NHSL2: variants seen among roughly 807,000 people sequenced by gnomAD.
The protein encoded by NHSL2 is NHS like 2, also known as NHS-like protein 2.
NHSL2 carries 27 observed loss-of-function variants against 53.4 expected under a neutral mutation model. That is an observed-to-expected ratio of 0.51 (90% CI 0.37 to 0.70). NHSL2 has a LOEUF of 0.70. Ranked by LOEUF, NHSL2 falls within the 30% of genes least tolerant of loss-of-function variation. The probability of loss-of-function intolerance (pLI) is 0.00; values close to 1 mark genes in which losing one functional copy is unlikely to be tolerated. For synonymous variants in NHSL2, 408 were observed against 404.1 expected (o/e 1.01, Z -0.12); for missense variants, 892 against 980.1 (o/e 0.91, Z 1.20).
At position 71,910,971 on chromosome X, in the gene NHSL2, G is replaced by A. The variant is rs933610426; in HGVS notation, c.-117G>A. The A allele has an allele frequency of 1.4e-4, 79 of 548,357 alleles. No individual in the cohort carries two copies. The African/African-American group carries it at 1.9e-3, about 13-fold the overall frequency. 45.2% of individuals were successfully genotyped at this position (548,357 alleles called of 1,213,427 possible). On this transcript the variant is annotated 5_prime_UTR_variant, in exon 1 of 8. Coordinates refer to ENST00000633930, the MANE Select transcript of NHSL2 (RefSeq NM_001013627.3). ...GCACGCTCTCCGGCCCGCGCCCAGG[G>A]GCCTGCTACACCCGGAGCTGGGGCC...
intron 1 of NHSL2, among the ~76,000 whole-genome samples, chrX:72,025,668 A>C (rs746001533): frequency 8.9e-6 from 1 of 112,358 alleles, no homozygotes; most frequent in Non-Finnish European, 1.9e-5. Context: ...TTTAGGGCAA[A>C]GGACACCTGA....
intron 6 of NHSL2, chrX:72,141,350 C>T (rs1404976597): frequency 8.1e-6 from 1 of 123,485 alleles, no homozygotes; most frequent in African/African-American, 3.2e-5. Flanking sequence ...ATACATAATG[C>T]TTCTCATCCT....
chrX:72,131,246 TAC>T (rs2042294896), intron 1 of NHSL2: 1 of 1,197,203 alleles, frequency 8.4e-7, no homozygotes, highest in Admixed American at 2.2e-5. Flanking sequence ...TCATCCGAGA[TAC>T]AGTCGGGCTC....
intron 1 of NHSL2, among the ~76,000 whole-genome samples, chrX:72,111,981 G>A (rs1213332201): frequency 9.0e-6 from 1 of 110,557 alleles, no homozygotes. Context: ...AGGGTGACTA[G>A]GATCAGGACA....
chrX:72,130,456 T>C, intron 1 of NHSL2: 1 of 1,210,355 alleles, frequency 8.3e-7, no homozygotes, highest in Non-Finnish European at 1.1e-6. Context: ...GCGCTTCCTC[T>C]GGTCCTTGGA....
At chrX:71,980,048 G>A (rs181486336) in intron 1 of NHSL2, among the ~76,000 whole-genome samples, 2,367 of 111,889 alleles carry the variant, frequency 0.021, 62 homozygotes, top group African/African-American at 0.074. Context: ...TATTTGTCAG[G>A]TTTGTCAAAG....
intron 1 of NHSL2, among the ~76,000 whole-genome samples, chrX:72,015,807 A>C (rs1317462157): frequency 3.6e-5 from 4 of 112,337 alleles, no homozygotes; most frequent in Non-Finnish European, 7.5e-5. Flanking sequence ...ACCTGTCCAT[A>C]TACTTTGCCC....
At chrX:72,063,389 G>C (rs1470741802) in intron 1 of NHSL2, among the ~76,000 whole-genome samples, 1 of 111,673 alleles carries the variant, frequency 9.0e-6, no homozygotes, top group East Asian at 2.8e-4. Flanking sequence ...AATAAACTTT[G>C]TATGGGCAAT....
chrX:72,130,421 T>G (rs1569482874), intron 1 of NHSL2: 2 of 1,200,410 alleles, frequency 1.7e-6, no homozygotes, highest in Non-Finnish European at 2.2e-6. Context: ...TCCTTCTCCT[T>G]CATCTCTTGC....
intron 1 of NHSL2, among the ~76,000 whole-genome samples, chrX:72,094,708 T>C (rs1013983835): frequency 9.0e-6 from 1 of 111,087 alleles, no homozygotes; most frequent in Non-Finnish European, 1.9e-5. Flanking sequence ...ATTGCTTGAG[T>C]AACCTTATGA....
rs5991877 is a variant in NHSL2, at chrX:71,914,248, T to A, written c.280+2881T>A. 2.5e-3 allele frequency among the ~76,000 whole-genome samples: 282 copies of A among 112,315 alleles called. 2 individuals are homozygous for A. Among genetic ancestry groups the A allele is most frequent in the African/African-American group, 8.7e-3 (269 of 30,936 alleles). On this transcript the variant is annotated intron_variant, in intron 1 of 7. Transcript: ENST00000633930. ...TGGCATCTGTGGCCTGTACACTGGG[T>A]TCTTCATCTAAAAAATGGTGTAGTC...
intron 1 of NHSL2, among the ~76,000 whole-genome samples, chrX:72,041,593 G>A (rs1441180656): frequency 8.9e-6 from 1 of 112,174 alleles, no homozygotes; most frequent in African/African-American, 3.2e-5. Context: ...GGAGGGGGCT[G>A]GAAAGAAATG....
intron 1 of NHSL2, among the ~76,000 whole-genome samples, chrX:71,967,302 A>T (rs1474138932): frequency 9.1e-6 from 1 of 110,307 alleles, no homozygotes; most frequent in East Asian, 2.8e-4. Flanking sequence ...TTCTGCCCTA[A>T]TTTTTATTTC....
rs769203027 is a variant in NHSL2 at position 71,977,060 on chromosome X, G to A, written c.280+65693G>A. The stretch of plus-strand genomic sequence containing the variant: ...GGCCAGCTGCTTTGGGGCCAACAGG[G>A]TAATATTACTTTTTGGCTCCTTTTG... On this transcript the variant is annotated intron_variant, in intron 1 of 7. Coordinates refer to ENST00000633930, the MANE Select transcript of NHSL2 (RefSeq NM_001013627.3). Among the ~76,000 whole-genome samples the A allele has an allele frequency of 6.3e-5, 7 of 111,745 alleles. No individual in the cohort carries two copies. In the South Asian group the frequency reaches 2.6e-3, roughly 42 times the overall value.
At position 72,152,352 on chromosome X, in the gene NHSL2, C is replaced by T. The variant is rs1408161286; in HGVS notation, c.*8778C>T. 1.4e-3 allele frequency: 5 copies of T among 3,675 alleles called. No homozygotes were observed. The highest frequency in any genetic ancestry group is 0.031 in the South Asian group (1 of 32). 0.3% of individuals were successfully genotyped at this position (3,675 alleles called of 1,213,427 possible). A position where few individuals can be genotyped will look rare whatever the true frequency, so the allele number is the denominator to read the frequency against. On this transcript the variant is annotated 3_prime_UTR_variant, in exon 8 of 8. Transcript: ENST00000633930. ...CACCATACATGCGTGTGTGCATGCG[C>T]GCGCGCACACACACACACACACACA...
At chrX:72,072,723 A>T (rs1286498346) in intron 1 of NHSL2, among the ~76,000 whole-genome samples, 1 of 112,327 alleles carries the variant, frequency 8.9e-6, no homozygotes, top group Non-Finnish European at 1.9e-5. Flanking sequence ...AATAAAGTTC[A>T]TCACCCCCTC....
intron 1 of NHSL2, among the ~76,000 whole-genome samples, chrX:71,995,343 A>G (rs1235986685): frequency 8.9e-6 from 1 of 111,936 alleles, no homozygotes; most frequent in Non-Finnish European, 1.9e-5. Flanking sequence ...AAGTCAGGTC[A>G]TGTCCTTTCT....
intron 1 of NHSL2, among the ~76,000 whole-genome samples, chrX:72,110,377 A>C (rs1306841747): frequency 1.8e-5 from 2 of 111,137 alleles, no homozygotes; most frequent in Non-Finnish European, 3.8e-5. Context: ...AAGGACAGGG[A>C]CTGTATCTCG....
Position 72,139,090 on chromosome X carries a change from G to A in NHSL2, c.1542G>A (p.Glu514=). 8.5e-7 allele frequency: 1 copy of A among 1,169,808 alleles called. No homozygotes were observed. Among genetic ancestry groups the A allele is most frequent in the Non-Finnish European group, 1.1e-6 (1 of 873,888 alleles). The change falls in exon 6 of 8, where the codon GAG becomes GAA. Residue 514 remains glutamate, a synonymous_variant. Coordinates refer to ENST00000633930, the MANE Select transcript of NHSL2 (RefSeq NM_001013627.3). The part of the protein sequence containing the change: ...DSGTTDVDYD[E]EQKANEACAL... ...GCACCACAGATGTGGACTATGATGAGGAGCAGAAGGCCAATGAGGCCTGTG... is the reference window on the plus strand; with the variant it reads ...GCACCACAGATGTGGACTATGATGAAGAGCAGAAGGCCAATGAGGCCTGTG...
Sources: gnomAD v4.1 joint callset for allele counts (sites outside exome capture counted in the v4.1 genomes callset) on GRCh38, gnomAD v4.1.1 for gene constraint, MANE v1.5 for transcripts, NCBI Gene and HGNC (gene_info 2026-07-23, HGNC 2026-07-21) for gene names.